Variants in RBCK1 observed in about 807,000 individuals in gnomAD.
RBCK1 encodes RANBP2-type and C3HC4-type zinc finger containing 1, also known as ranBP-type and C3HC4-type zinc finger-containing protein 1.
RBCK1 carries 44 observed loss-of-function variants against 71.1 expected under a neutral mutation model. The observed-to-expected ratio is 0.62, with a 90% CI of 0.49 to 0.80. RBCK1 has a LOEUF of 0.80. Ranked by LOEUF, RBCK1 falls within the 30% of genes least tolerant of loss-of-function variation. RBCK1 has a pLI of 0.00. For missense variants in RBCK1, 569 were observed against 685.0 expected, an observed-to-expected ratio of 0.83 and a Z score of 1.89; for synonymous variants, 306 against 279.7, an observed-to-expected ratio of 1.09 and a Z score of -0.94.
Position 417,840 on chromosome 20 carries a change from G to T in RBCK1, c.370G>T (p.Asp124Tyr). The change falls in exon 4 of 12, where the codon GAC becomes TAC. Residue 124 changes from aspartate to tyrosine, a missense_variant. Coordinates refer to ENST00000356286, the MANE Select transcript of RBCK1 (RefSeq NM_031229.4). The surrounding 1 kb of genome is among the most constrained non-coding windows in gnomAD (Gnocchi z 4.7). Reference protein sequence around the residue: ...LHSHGVRQNGDSAYLYLLSAR... With the variant: ...LHSHGVRQNGYSAYLYLLSAR... ...CTCCCATGGGGTGCGGCAGAATGGG[G>T]ACAGTGCCTACCTCTATCTGCTGTC... 2 of 1,614,020 alleles carry T rather than the reference G, an allele frequency of 1.2e-6. No individual in the cohort carries two copies. Among genetic ancestry groups the T allele is most frequent in the South Asian group, 2.2e-5 (2 of 91,080 alleles).
rs542354159 is a variant in RBCK1, at chr20:412,209, G to C, written c.167+2184G>C. The stretch of plus-strand genomic sequence containing the variant: ...TGAAGAGGTATCTCACTGTGGTTTT[G>C]ATTTGCAATTTCCTAACCATTTGAT... On this transcript the variant is annotated intron_variant, in intron 2 of 11. Transcript: ENST00000356286. Among the ~76,000 whole-genome samples, 198 of 152,252 alleles carry C rather than the reference G, an allele frequency of 1.3e-3. 1 individual carries two copies. Among genetic ancestry groups the C allele is most frequent in the African/African-American group, 4.5e-3 (188 of 41,532 alleles).
Position 419,719 on chromosome 20 carries a change from T to A in RBCK1, c.744T>A (p.Arg248=). The A allele has an allele frequency of 6.4e-7, 1 of 1,560,848 alleles. No individual in the cohort carries two copies. Residue 248 remains arginine, a synonymous_variant, in exon 6 of 12, where the codon CGT becomes CGA. Coordinates refer to ENST00000356286, the MANE Select transcript of RBCK1 (RefSeq NM_031229.4). Reference sequence around the variant, plus strand: ...TGGCGGGCGAGGAGGAGGCGCTGCGTCAGTACCAGCAGGTGGGCGGGAAAG... The same window carrying A: ...TGGCGGGCGAGGAGGAGGCGCTGCGACAGTACCAGCAGGTGGGCGGGAAAG... ...ARLAGEEEAL[R]QYQQRKQQQQ... is the part of the protein sequence containing the mutation.
chr20:415,595 GT>G (rs1048001279), intron 2 of RBCK1, among the ~76,000 whole-genome samples: 12 of 148,560 alleles, frequency 8.1e-5, no homozygotes, highest in Non-Finnish European at 1.6e-4. Context: ...TATGCCACTA[GT>G]TTTTTTTTTA....
In RBCK1 at chr20:417,510, C is replaced by T; in HGVS notation, c.168-16C>T. The T allele has an allele frequency of 6.2e-7, 1 of 1,611,858 alleles. No homozygotes were observed. The highest frequency in any genetic ancestry group is 2.2e-5 in the East Asian group (1 of 44,868). ...CCTGGCCAGAGCCCATGCTGAGCCC[C>T]TGCTGTTCTCTGCAGGCTGTGGGTG... On this transcript the variant is annotated splice_polypyrimidine_tract_variant and intron_variant, in intron 2 of 11. Transcript: ENST00000356286. The surrounding 1 kb of genome is among the most constrained non-coding windows in gnomAD (Gnocchi z 4.7).
Position 408,404 on chromosome 20 carries a change from C to T in RBCK1, c.-354C>T, listed in dbSNP as rs1173769494. ...AAACCCGGGACGCCAGGGGCGCTCC[C>T]GCAAGTGGGGGTCCTCCGGGACTTG... On this transcript the variant is annotated 5_prime_UTR_variant, in exon 1 of 12. Coordinates refer to ENST00000356286, the MANE Select transcript of RBCK1 (RefSeq NM_031229.4). 1.1e-5 allele frequency: 5 copies of T among 436,740 alleles called. No homozygotes were observed. In the Admixed American group the frequency reaches 2.2e-4, roughly 19 times the overall value. The allele number at this position is 436,740 out of a possible 1,614,324, so 27.1% of individuals were successfully genotyped here.
rs2016976279 is a variant in RBCK1, at chr20:430,703, G to A, written c.*273G>A. 3.9e-6 allele frequency: 2 copies of A among 514,682 alleles called. No homozygotes were observed. 31.9% of individuals were successfully genotyped at this position (514,682 alleles called of 1,614,324 possible). ...AGGCCTTGCTGGGTGGAGCCTCTGT[G>A]TGACTCCATACTCCTCCCACCACAA... On this transcript the variant is annotated 3_prime_UTR_variant, in exon 12 of 12. Transcript: ENST00000356286. The surrounding 1 kb of genome is among the most constrained non-coding windows in gnomAD (Gnocchi z 5.6).
At chr20:418,001 AGGGGCAGAGCCCCT>A (rs2016101634) in intron 4 of RBCK1, 71 bp downstream of exon 4, 2 of 1,466,552 alleles carry the variant, frequency 1.4e-6, no homozygotes, top group African/African-American at 1.4e-5. Context: ...TAGGGCAAGC[AGGGGCAGAGCCCCT>A]GGGTTTTTAG....
At position 428,887 on chromosome 20, in the gene RBCK1, G is replaced by T; in HGVS notation, c.1309-64G>T. Reference sequence around the variant, plus strand: ...GGGTCACCACCTTCTCCCTGCCATGGGGAGGGGCCAGGCTGGGTGACTGCC... The same window carrying T: ...GGGTCACCACCTTCTCCCTGCCATGTGGAGGGGCCAGGCTGGGTGACTGCC... On this transcript the variant is annotated intron_variant, in intron 10 of 11. Coordinates refer to ENST00000356286, the MANE Select transcript of RBCK1 (RefSeq NM_031229.4). The surrounding 1 kb of genome is among the most constrained non-coding windows in gnomAD (Gnocchi z 5.7). 1.3e-6 allele frequency: 2 copies of T among 1,527,632 alleles called. No individual in the cohort carries two copies. The highest frequency in any genetic ancestry group is 1.7e-6 in the Non-Finnish European group (2 of 1,145,488). 94.6% of individuals were successfully genotyped at this position (1,527,632 alleles called of 1,614,324 possible). A position where few individuals can be genotyped will look rare whatever the true frequency, so the allele number is the denominator to read the frequency against.
In RBCK1 at chr20:421,268, G is replaced by A. The variant is rs189945390; in HGVS notation, c.917+237G>A. 3.5e-3 allele frequency among the ~76,000 whole-genome samples: 536 copies of A among 151,138 alleles called. 6 individuals are homozygous for A. Among genetic ancestry groups the A allele is most frequent in the Non-Finnish European group, 4.1e-3 (281 of 67,990 alleles). ...GCAGCCTAGACGTGAGCGCAGGCGT[G>A]GGGGGAGACTCCCTTCCCCTCTACC... On this transcript the variant is annotated intron_variant, in intron 7 of 11. Transcript: ENST00000356286.
At chr20:410,306 G>A (rs1000915921) in intron 2 of RBCK1, 11 of 685,334 alleles carry the variant, frequency 1.6e-5, no homozygotes, top group Non-Finnish European at 2.7e-5. Flanking sequence ...ACGGAACAGT[G>A]ACGTAAACAA....
rs1158101592 is a variant in RBCK1, at chr20:428,910, G to A, written c.1309-41G>A. ...TGGGGAGGGGCCAGGCTGGGTGACT[G>A]CCCCAGCCCCGCCCCAGGGCCAGCA... On this transcript the variant is annotated intron_variant, in intron 10 of 11. Transcript: ENST00000356286. The surrounding 1 kb of genome is among the most constrained non-coding windows in gnomAD (Gnocchi z 5.7). 3.2e-6 allele frequency: 5 copies of A among 1,567,608 alleles called. No homozygotes were observed. The highest frequency in any genetic ancestry group is 1.8e-5 in the Admixed American group (1 of 55,922).
chr20:422,146 A>G lies in RBCK1; in HGVS notation c.937A>G (p.Ile313Val), dbSNP rs1295013567. The change falls in exon 8 of 12, where the codon ATC (isoleucine) becomes GTC (valine). Residue 313 changes from isoleucine to valine, a missense_variant. Physicochemically the swap from Ile to Val is conservative, Grantham distance 29. This residue lies in a region of RBCK1 where 211 missense variants were observed against 309.4 expected (regional missense o/e 0.68). Transcript: ENST00000356286. The surrounding 1 kb of genome is among the most constrained non-coding windows in gnomAD (Gnocchi z 5.0). Reference protein sequence around the residue: ...TFCRECLQGTIRNSQEAEVSC... With the variant: ...TFCRECLQGTVRNSQEAEVSC... ...CCCTAGGGAGTGCCTGCAGGGCACCATCCGCAACAGCCAGGAGGCGGAGGT... is the reference window on the plus strand; with the variant it reads ...CCCTAGGGAGTGCCTGCAGGGCACCGTCCGCAACAGCCAGGAGGCGGAGGT... 6.2e-6 allele frequency: 10 copies of G among 1,612,520 alleles called. No individual in the cohort carries two copies. The highest frequency in any genetic ancestry group is 7.6e-6 in the Non-Finnish European group (9 of 1,179,834).
Position 419,442 on chromosome 20 carries a change from C to G in RBCK1, c.556C>G (p.Pro186Ala), listed in dbSNP as rs138009555. The change falls in exon 5 of 12, where the codon CCA becomes GCA. Residue 186 changes from proline (P) to alanine (A), a missense_variant. Pro to Ala is a conservative substitution (Grantham distance 27). Around this residue, in one of 2 missense-constraint regions of RBCK1, gnomAD observed 358 missense variants for 375.6 expected, o/e 0.95. Transcript: ENST00000356286. ...GVPQEPGRGQ[P>A]DAVPEPPPVG... The stretch of plus-strand genomic sequence containing the variant: ...CCCCCAGGAACCCGGACGGGGGCAG[C>G]CAGATGCAGTGCCTGAGCCCCCACC... 1.6e-5 allele frequency: 25 copies of G among 1,608,196 alleles called. No individual in the cohort carries two copies. In the African/African-American group the frequency reaches 3.2e-4, roughly 21 times the overall value.
rs576699481 is a variant in RBCK1, at chr20:426,228, CCTCT to C, written c.1030-1082_1030-1079del. Among the ~76,000 whole-genome samples, 665 of 152,268 alleles carry C rather than the reference CCTCT, an allele frequency of 4.4e-3. 8 individuals are homozygous for C. Among genetic ancestry groups the C allele is most frequent in the African/African-American group, 0.014 (571 of 41,554 alleles). On this transcript the variant is annotated intron_variant, in intron 8 of 11. Transcript: ENST00000356286. ...TTTGTGTTACAGACAATCCAGTTAA[CCTCT>C]CTTAGTTATTATAAAATGTACAATT... is the stretch of plus-strand genomic sequence containing the variant.
Position 430,286 on chromosome 20 carries a change from G to A in RBCK1, c.1453-64G>A, listed in dbSNP as rs2016950380. On this transcript the variant is annotated intron_variant, in intron 11 of 11. Coordinates refer to ENST00000356286, the MANE Select transcript of RBCK1 (RefSeq NM_031229.4). This position sits in a 1 kb window ranked among gnomAD's most constrained non-coding sequence, Gnocchi z 5.6. ...AGGCAAAGGCCCGGGGTGGGAGAGCGCTCGGCTGTGGGGGCAGTCTCTGCA... is the reference window on the plus strand; with the variant it reads ...AGGCAAAGGCCCGGGGTGGGAGAGCACTCGGCTGTGGGGGCAGTCTCTGCA... The A allele has an allele frequency of 4.2e-6, 6 of 1,432,960 alleles. No individual in the cohort carries two copies. The highest frequency in any genetic ancestry group is 3.4e-5 in the South Asian group (3 of 87,106). The allele number at this position is 1,432,960 out of a possible 1,614,324, so 88.8% of individuals were successfully genotyped here.
intron 4 of RBCK1, among the ~76,000 whole-genome samples, 179 bp downstream of exon 4, chr20:418,109 A>G (rs2016106618): frequency 6.6e-6 from 1 of 152,198 alleles, no homozygotes; most frequent in South Asian, 2.1e-4. Context: ...GGGACCCATC[A>G]TGAGAACAGC....
At position 419,689 on chromosome 20, in the gene RBCK1, G is replaced by A. The variant is rs749795892; in HGVS notation, c.714G>A (p.Ala238=). ...ACCAGCCCGACGAGGAGGAGCGAGC[G>A]CGCCTGGCGGGCGAGGAGGAGGCGC... is the stretch of plus-strand genomic sequence containing the variant. ...ASYQPDEEER[A]RLAGEEEALR... is the part of the protein sequence containing the mutation. Residue 238 remains alanine (A), a synonymous_variant, in exon 6 of 12, where the codon GCG becomes GCA. Coordinates refer to ENST00000356286, the MANE Select transcript of RBCK1 (RefSeq NM_031229.4). 5 of 1,575,262 alleles carry A rather than the reference G, an allele frequency of 3.2e-6. No individual in the cohort carries two copies. Among genetic ancestry groups the A allele is most frequent in the Non-Finnish European group, 3.4e-6 (4 of 1,163,814 alleles).
intron 1 of RBCK1, 127 bp downstream of exon 1, chr20:408,906 C>T: frequency 8.7e-7 from 1 of 1,149,622 alleles, no homozygotes; most frequent in Non-Finnish European, 1.2e-6. Flanking sequence ...TACCCTCCTC[C>T]CCATCAGTTT....
intron 8 of RBCK1, among the ~76,000 whole-genome samples, chr20:425,821 T>G (rs1303312877): frequency 6.6e-6 from 1 of 152,150 alleles, no homozygotes; most frequent in African/African-American, 2.4e-5. Context: ...GAGATGGGGT[T>G]TCACTATGTT....
Sources: allele counts gnomAD v4.1 joint callset (sites outside exome capture counted in the v4.1 genomes callset), GRCh38; gene constraint gnomAD v4.1.1; regional missense constraint gnomAD v4.1.1; non-coding constraint Gnocchi (gnomAD v3.1); transcripts MANE v1.5; gene names NCBI Gene and HGNC (gene_info 2026-07-23, HGNC 2026-07-21).